The following SHROOM3 variants were observed in gnomAD, a reference collection of about 807,000 sequenced individuals.
The protein encoded by SHROOM3 is protein Shroom3.
Under a neutral mutation model 138.6 loss-of-function variants are expected in SHROOM3, and 47 were observed. The observed-to-expected ratio is 0.34, with a 90% CI of 0.27 to 0.43. The LOEUF (loss-of-function observed/expected upper bound fraction) is 0.43, where lower values mean the gene tolerates loss of function less well. Among genes scored for constraint, SHROOM3 ranks in the 20% least tolerant of loss-of-function variants. SHROOM3 has a pLI of 1.00. For synonymous variants in SHROOM3, 1,062 were observed against 1,063.3 expected, an observed-to-expected ratio of 1.00 and a Z score of 0.02; for missense variants, 2,491 against 2,596.5, an observed-to-expected ratio of 0.96 and a Z score of 0.88.
At chr4:76,537,006 G>A (rs566301628) in intron 1 of SHROOM3, among the ~76,000 whole-genome samples, 93 of 152,200 alleles carry the variant, frequency 6.1e-4, no homozygotes, top group Middle Eastern at 3.4e-3. Context: ...CCAGCTACTC[G>A]GGAGGCTGAG....
chr4:76,549,113 C>A (rs1161582762), intron 1 of SHROOM3, among the ~76,000 whole-genome samples: 2 of 152,034 alleles, frequency 1.3e-5, no homozygotes, highest in African/African-American at 4.8e-5. Context: ...ATGAATAGTT[C>A]AAAAAAATTA....
intron 2 of SHROOM3, among the ~76,000 whole-genome samples, chr4:76,650,712 T>G (rs567660777): frequency 4.6e-5 from 7 of 152,144 alleles, no homozygotes; most frequent in African/African-American, 1.7e-4. Flanking sequence ...GCCCAGCTAA[T>G]TTTTGTGTTT....
intron 2 of SHROOM3, among the ~76,000 whole-genome samples, chr4:76,605,770 A>C (rs1374529201): frequency 6.6e-6 from 1 of 151,616 alleles, no homozygotes; most frequent in Admixed American, 6.6e-5. Context: ...TAGATGGAAA[A>C]AATCCTTGTT....
chr4:76,464,895 A>T (rs560897777), intron 1 of SHROOM3, among the ~76,000 whole-genome samples: 1 of 152,262 alleles, frequency 6.6e-6, no homozygotes, highest in Non-Finnish European at 1.5e-5. Flanking sequence ...GCAGGACTGT[A>T]AGTCAATTAA....
At position 76,770,656 on chromosome 4, in the gene SHROOM3, C is replaced by T; in HGVS notation, c.5380C>T (p.Leu1794=). The stretch of plus-strand genomic sequence containing the variant: ...GCTCATTGGAAGTCTCACCCACAAG[C>T]TGGAGACCCTCCAGGAGGCGAAGGG... ...AELIGSLTHK[L]ETLQEAKGSL... Residue 1794 remains leucine (L), a synonymous_variant, in exon 10 of 11, where the codon CTG becomes TTG. Transcript: ENST00000296043. 1 of 1,614,150 alleles carries T rather than the reference C, an allele frequency of 6.2e-7. No homozygotes were observed. Among genetic ancestry groups the T allele is most frequent in the Non-Finnish European group, 8.5e-7 (1 of 1,180,032 alleles).
chr4:76,601,267 G>C (rs1734499679), intron 2 of SHROOM3, among the ~76,000 whole-genome samples: 1 of 152,088 alleles, frequency 6.6e-6, no homozygotes, highest in African/African-American at 2.4e-5. Flanking sequence ...TGTGGTGTGG[G>C]GAGGGGGTCG....
intron 4 of SHROOM3, among the ~76,000 whole-genome samples, chr4:76,733,242 C>G (rs953452942): frequency 6.6e-6 from 1 of 152,150 alleles, no homozygotes; most frequent in African/African-American, 2.4e-5. Flanking sequence ...GGAATGGGGC[C>G]GTCAGCACCA....
At chr4:76,593,803 G>A (rs558402548) in intron 2 of SHROOM3, among the ~76,000 whole-genome samples, 5 of 152,190 alleles carry the variant, frequency 3.3e-5, no homozygotes, top group Admixed American at 1.3e-4. Context: ...TTCACTTAGG[G>A]GCAGTGGCTA....
At chr4:76,765,596 C>T (rs1386647648) in intron 9 of SHROOM3, among the ~76,000 whole-genome samples, 4 of 152,084 alleles carry the variant, frequency 2.6e-5, no homozygotes, top group Non-Finnish European at 4.4e-5. Flanking sequence ...ACTCTTAAGA[C>T]GGAGACACAC....
At chr4:76,610,304 G>C (rs1734735058) in intron 2 of SHROOM3, among the ~76,000 whole-genome samples, 1 of 152,176 alleles carries the variant, frequency 6.6e-6, no homozygotes, top group African/African-American at 2.4e-5. Flanking sequence ...TTGTGGAAAG[G>C]TTTTCTTTGT....
chr4:76,742,012 ACCCGCTCTCC>A, intron 5 of SHROOM3, 86 bp downstream of exon 5: 1 of 1,503,706 alleles, frequency 6.7e-7, no homozygotes, highest in South Asian at 1.2e-5. Context: ...CCACACTCTC[ACCCGCTCTCC>A]CAGTTCAGTT....
intron 2 of SHROOM3, among the ~76,000 whole-genome samples, chr4:76,652,271 A>T (rs2110088974): frequency 6.6e-6 from 1 of 152,334 alleles, no homozygotes; most frequent in Non-Finnish European, 1.5e-5. Flanking sequence ...ATCTGGACTG[A>T]TAAGAAGGCA....
At chr4:76,685,340 C>G (rs1719305397) in intron 2 of SHROOM3, among the ~76,000 whole-genome samples, 1 of 151,882 alleles carries the variant, frequency 6.6e-6, no homozygotes, top group Admixed American at 6.6e-5. Context: ...ACATAAAATA[C>G]ACTAACACTA....
At chr4:76,769,598 G>C (rs1722282265) in intron 9 of SHROOM3, among the ~76,000 whole-genome samples, 1 of 152,190 alleles carries the variant, frequency 6.6e-6, no homozygotes. Context: ...AAATTGCACA[G>C]CTCTGGTAAC....
chr4:76,598,361 A>G (rs2110053386), intron 2 of SHROOM3, among the ~76,000 whole-genome samples: 1 of 152,324 alleles, frequency 6.6e-6, no homozygotes, highest in Admixed American at 6.5e-5. Flanking sequence ...TGCTATGATG[A>G]AGCTTTTCTG....
intron 1 of SHROOM3, among the ~76,000 whole-genome samples, chr4:76,551,933 C>T (rs544603280): frequency 1.6e-3 from 246 of 151,168 alleles, no homozygotes; most frequent in African/African-American, 5.7e-3. Context: ...GCGATCTCGG[C>T]TCACTGCAAG....
intron 3 of SHROOM3, among the ~76,000 whole-genome samples, chr4:76,711,684 A>G (rs1720233558): frequency 6.6e-6 from 1 of 152,144 alleles, no homozygotes. Context: ...CAGAGCTTCA[A>G]ACAAACAATA....
At chr4:76,529,784 C>T (rs948735207) in intron 1 of SHROOM3, among the ~76,000 whole-genome samples, 2 of 152,224 alleles carry the variant, frequency 1.3e-5, no homozygotes, top group Non-Finnish European at 2.9e-5. Context: ...GCTTTGCTTC[C>T]AGTCCAGCGA....
intron 3 of SHROOM3, among the ~76,000 whole-genome samples, chr4:76,730,033 C>G (rs562850784): frequency 1.3e-5 from 2 of 151,984 alleles, no homozygotes; most frequent in African/African-American, 4.8e-5. Context: ...CTTTTTTTGC[C>G]AAAAATAAGG....
Sources: gnomAD v4.1 joint callset for allele counts (sites outside exome capture counted in the v4.1 genomes callset) on GRCh38, gnomAD v4.1.1 for gene constraint, MANE v1.5 for transcripts, NCBI Gene and HGNC (gene_info 2026-07-23, HGNC 2026-07-21) for gene names.